The following MAN1C1 variants were observed in gnomAD, a reference collection of about 807,000 sequenced individuals.
MAN1C1 encodes the protein mannosyl-oligosaccharide 1,2-alpha-mannosidase IC.
Under a neutral mutation model 71.5 loss-of-function variants are expected in MAN1C1, and 49 were observed. The observed-to-expected ratio is 0.69, with a 90% CI of 0.54 to 0.87. MAN1C1 has a LOEUF of 0.87. Ranked by LOEUF, MAN1C1 falls within the 40% of genes least tolerant of loss-of-function variation. The pLI is 0.00. For synonymous variants in MAN1C1, 352 were observed against 343.7 expected (o/e 1.02, Z -0.27); for missense variants, 743 against 835.0 (o/e 0.89, Z 1.36).
At chr1:25,692,113 T>A (rs2046317098) in intron 2 of MAN1C1, among the ~76,000 whole-genome samples, 1 of 152,144 alleles carries the variant, frequency 6.6e-6, no homozygotes, top group African/African-American at 2.4e-5. Context: ...ATCCAGAATG[T>A]TAACTGGGGG....
At chr1:25,700,467 G>A (rs927387398) in intron 2 of MAN1C1, among the ~76,000 whole-genome samples, 3 of 152,190 alleles carry the variant, frequency 2.0e-5, no homozygotes, top group Non-Finnish European at 4.4e-5. Flanking sequence ...TTGTCCTGAG[G>A]ACCTTCTCTC....
intron 2 of MAN1C1, among the ~76,000 whole-genome samples, chr1:25,724,315 C>T (rs1414278406): frequency 1.3e-5 from 2 of 152,188 alleles, no homozygotes; most frequent in Non-Finnish European, 2.9e-5. Flanking sequence ...CATGAGCCAT[C>T]ACGCCTAGCC....
intron 7 of MAN1C1, among the ~76,000 whole-genome samples, chr1:25,767,444 TCCA>T (rs1181110802): frequency 1.1e-5 from 1 of 87,288 alleles, no homozygotes; most frequent in Non-Finnish European, 2.1e-5. Context: ...CATTACACAC[TCCA>T]CCATACACAC....
At chr1:25,680,226 C>T (rs1432655563) in intron 1 of MAN1C1, among the ~76,000 whole-genome samples, 1 of 151,916 alleles carries the variant, frequency 6.6e-6, no homozygotes, top group Non-Finnish European at 1.5e-5. Context: ...CCACACCTGG[C>T]TAATTTTTGT....
At chr1:25,657,983 C>G (rs1251698545) in intron 1 of MAN1C1, among the ~76,000 whole-genome samples, 1 of 152,212 alleles carries the variant, frequency 6.6e-6, no homozygotes, top group Non-Finnish European at 1.5e-5. Context: ...CAGGGCTCAC[C>G]AACCTCAGCA....
At position 25,783,954 on chromosome 1, in the gene MAN1C1, G is replaced by A. The variant is rs2047733661; in HGVS notation, c.*165G>A. ...TTTCCTCTGTGAGGAGACAAGACTT[G>A]GAGACTCAGCGATGTCAGGCCAGGG... On this transcript the variant is annotated 3_prime_UTR_variant, in exon 12 of 12. Coordinates refer to ENST00000374332, the MANE Select transcript of MAN1C1 (RefSeq NM_020379.4). 1.1e-6 allele frequency: 1 copy of A among 916,596 alleles called. No individual in the cohort carries two copies. The highest frequency in any genetic ancestry group is 1.6e-6 in the Non-Finnish European group (1 of 627,136). 56.8% of individuals were successfully genotyped at this position (916,596 alleles called of 1,614,324 possible). A position where few individuals can be genotyped will look rare whatever the true frequency, so the allele number is the denominator to read the frequency against.
intron 2 of MAN1C1, among the ~76,000 whole-genome samples, chr1:25,742,523 C>T (rs2047076197): frequency 1.3e-5 from 2 of 152,156 alleles, no homozygotes; most frequent in African/African-American, 2.4e-5. Flanking sequence ...TAGTTGCACC[C>T]CAAGGCCTCA....
chr1:25,762,117 CTT>C (rs2047367538), intron 6 of MAN1C1, among the ~76,000 whole-genome samples: 3 of 124,786 alleles, frequency 2.4e-5, no homozygotes, highest in African/African-American at 1.1e-4. Context: ...TCTTTCTTTT[CTT>C]TTCTTTTCTT....
chr1:25,756,100 A>C (rs1161664232), intron 5 of MAN1C1, among the ~76,000 whole-genome samples: 1 of 152,254 alleles, frequency 6.6e-6, no homozygotes, highest in African/African-American at 2.4e-5. Context: ...CACCAGAACC[A>C]CCTGGCACAG....
At chr1:25,651,221 A>AAGCGGGC (rs1156373578) in intron 1 of MAN1C1, among the ~76,000 whole-genome samples, 1 of 152,210 alleles carries the variant, frequency 6.6e-6, no homozygotes, top group African/African-American at 2.4e-5. Context: ...CCCAGAGGAG[A>AAGCGGGC]AGCGGGCAGA....
intron 1 of MAN1C1, among the ~76,000 whole-genome samples, chr1:25,673,055 G>A (rs2046013718): frequency 6.6e-6 from 1 of 152,136 alleles, no homozygotes. Flanking sequence ...TGAACGGGGA[G>A]GGGGAAAGGA....
chr1:25,749,121 CCAT>C, intron 3 of MAN1C1, 131 bp from the exon 4 acceptor site: 1 of 611,650 alleles, frequency 1.6e-6, no homozygotes, highest in East Asian at 3.1e-5. Flanking sequence ...GTTATGAAAA[CCAT>C]CGTCACCTTG....
chr1:25,687,410 C>A (rs942337106), intron 2 of MAN1C1, among the ~76,000 whole-genome samples: 1 of 152,110 alleles, frequency 6.6e-6, no homozygotes, highest in African/African-American at 2.4e-5. Flanking sequence ...GTTGCCAGCC[C>A]CCTTGTCTGC....
rs1206018553 is a variant in MAN1C1 at position 25,775,738 on chromosome 1, G to A, written c.1258-2367G>A. On this transcript the variant is annotated intron_variant, in intron 8 of 11. Coordinates refer to ENST00000374332, the MANE Select transcript of MAN1C1 (RefSeq NM_020379.4). This position sits in a 1 kb window ranked among gnomAD's most constrained non-coding sequence, Gnocchi z 5.1. ...GGGCTGGAGCATGCAGGAAGGAGGCGCAGCACCAGCTAAGCCCCGAAGCAG... is the reference window on the plus strand; with the variant it reads ...GGGCTGGAGCATGCAGGAAGGAGGCACAGCACCAGCTAAGCCCCGAAGCAG... Among the ~76,000 whole-genome samples, 1 of 150,538 alleles carries A rather than the reference G, an allele frequency of 6.6e-6. No individual in the cohort carries two copies. The highest frequency in any genetic ancestry group is 2.1e-4 in the South Asian group (1 of 4,822).
intron 1 of MAN1C1, among the ~76,000 whole-genome samples, chr1:25,621,090 G>C (rs1189682811): frequency 6.6e-6 from 1 of 152,228 alleles, no homozygotes; most frequent in African/African-American, 2.4e-5. Flanking sequence ...AATGGGGTGA[G>C]GGAGAGGAGA....
At chr1:25,652,807 C>T (rs186470619) in intron 1 of MAN1C1, among the ~76,000 whole-genome samples, 13 of 152,332 alleles carry the variant, frequency 8.5e-5, no homozygotes, top group South Asian at 4.1e-4. Flanking sequence ...TAATCAATGT[C>T]GGCTTTATTG....
Position 25,617,214 on chromosome 1 carries a change from C to G in MAN1C1, c.-584C>G, listed in dbSNP as rs1388074337. On this transcript the variant is annotated 5_prime_UTR_variant, in exon 1 of 12. Transcript: ENST00000374332. The surrounding 1 kb of genome is among the most constrained non-coding windows in gnomAD (Gnocchi z 5.1). ...GGCGGAGAAAGTTGTGGACGTGTCCCGATAGTCGAGCCCGGGCGCTGTCGC... is the reference window on the plus strand; with the variant it reads ...GGCGGAGAAAGTTGTGGACGTGTCCGGATAGTCGAGCCCGGGCGCTGTCGC... 2.6e-5 allele frequency among the ~76,000 whole-genome samples: 4 copies of G among 151,450 alleles called. No individual in the cohort carries two copies. The highest frequency in any genetic ancestry group is 4.4e-5 in the Non-Finnish European group (3 of 67,812).
intron 1 of MAN1C1, among the ~76,000 whole-genome samples, chr1:25,679,994 CAT>C (rs200399098): frequency 0.017 from 2,310 of 139,296 alleles, 73 homozygotes; most frequent in African/African-American, 0.058. Context: ...CACACACACA[CAT>C]ATATATATTT....
In MAN1C1 at chr1:25,775,207, G is replaced by A. The variant is rs911544838; in HGVS notation, c.1258-2898G>A. Among the ~76,000 whole-genome samples, 3 of 152,202 alleles carry A rather than the reference G, an allele frequency of 2.0e-5. No homozygotes were observed. The highest frequency in any genetic ancestry group is 1.9e-4 in the East Asian group (1 of 5,192). The stretch of plus-strand genomic sequence containing the variant: ...AGCCCTGACACTCCTCCCCTGCACC[G>A]CAGGCTTAGTGACGCCGAGCAGCTG... On this transcript the variant is annotated intron_variant, in intron 8 of 11. Coordinates refer to ENST00000374332, the MANE Select transcript of MAN1C1 (RefSeq NM_020379.4). This position sits in a 1 kb window ranked among gnomAD's most constrained non-coding sequence, Gnocchi z 5.1.
Sources: gnomAD v4.1 joint callset for allele counts (sites outside exome capture counted in the v4.1 genomes callset) on GRCh38, gnomAD v4.1.1 for gene constraint, Gnocchi (gnomAD v3.1) non-coding constraint, MANE v1.5 for transcripts, NCBI Gene and HGNC (gene_info 2026-07-23, HGNC 2026-07-21) for gene names.